The following LBH variants were observed in gnomAD, a reference collection of about 807,000 sequenced individuals.
The protein encoded by LBH is LBH regulator of Wnt signaling pathway.
Under a neutral mutation model 12.5 loss-of-function variants are expected in LBH, and 7 were observed. The observed-to-expected ratio is 0.56, with a 90% CI of 0.32 to 1.05. LBH has a LOEUF of 1.05. Ranked by LOEUF, LBH falls within the 50% of genes least tolerant of loss-of-function variation. LBH has a pLI of 0.04. For missense variants in LBH, 119 were observed against 138.9 expected (o/e 0.86, Z 0.72); for synonymous variants, 51 against 50.1 (o/e 1.02, Z -0.08).
intron 1 of LBH, chr2:30,232,145 C>T (rs1677598883): frequency 6.5e-7 from 1 of 1,544,700 alleles, no homozygotes; most frequent in African/African-American, 1.4e-5. Context: ...GGCCCCTCCT[C>T]TTTTTCTTTT....
intron 2 of LBH, among the ~76,000 whole-genome samples, chr2:30,242,535 G>A (rs966232616): frequency 3.3e-5 from 5 of 152,014 alleles, no homozygotes; most frequent in Admixed American, 1.3e-4. Flanking sequence ...GAGCCACCAC[G>A]CCCGGCCAAT....
intron 2 of LBH, among the ~76,000 whole-genome samples, chr2:30,254,350 G>T (rs1413421247): frequency 2.0e-5 from 3 of 152,144 alleles, no homozygotes; most frequent in Non-Finnish European, 2.9e-5. Context: ...ATATCTTATT[G>T]TACCGTACCT....
intron 2 of LBH, among the ~76,000 whole-genome samples, chr2:30,247,312 C>T (rs2089657): frequency 0.18 from 26,745 of 152,196 alleles, 2,670 homozygotes; most frequent in Admixed American, 0.27. Flanking sequence ...AATGTTGACT[C>T]ATTTCATTAT....
intron 2 of LBH, among the ~76,000 whole-genome samples, chr2:30,255,005 T>C (rs1678055576): frequency 6.6e-6 from 1 of 152,238 alleles, no homozygotes; most frequent in East Asian, 1.9e-4. Flanking sequence ...AGCAGCCTAA[T>C]CCATTTTCCA....
At chr2:30,245,454 C>CT (rs1176478487) in intron 2 of LBH, among the ~76,000 whole-genome samples, 2 of 152,192 alleles carry the variant, frequency 1.3e-5, no homozygotes, top group African/African-American at 4.8e-5. Context: ...CGTACACTTT[C>CT]TTCAGAATCA....
chr2:30,237,150 A>C (rs925275), intron 2 of LBH, among the ~76,000 whole-genome samples: 4 of 152,342 alleles, frequency 2.6e-5, no homozygotes, highest in African/African-American at 9.6e-5. Flanking sequence ...TGTTCTTGGC[A>C]TTCCTCCTAA....
intron 2 of LBH, among the ~76,000 whole-genome samples, chr2:30,242,575 A>G (rs1394002286): frequency 6.6e-6 from 1 of 152,172 alleles, no homozygotes; most frequent in Non-Finnish European, 1.5e-5. Context: ...TTAGGAAAAT[A>G]CAGAGACATG....
intron 2 of LBH, among the ~76,000 whole-genome samples, chr2:30,235,324 C>T (rs939434790): frequency 3.3e-5 from 5 of 152,034 alleles, no homozygotes; most frequent in African/African-American, 1.2e-4. Flanking sequence ...AGGGAGGAGT[C>T]TCTTCTTAAG....
chr2:30,235,027 TAGAG>T (rs1195202520), intron 2 of LBH, among the ~76,000 whole-genome samples: 2 of 152,180 alleles, frequency 1.3e-5, no homozygotes, highest in Admixed American at 1.3e-4. Flanking sequence ...TCAAACCACT[TAGAG>T]AGGAAGATAT....
At chr2:30,237,865 T>G (rs1436527667) in intron 2 of LBH, among the ~76,000 whole-genome samples, 2 of 152,154 alleles carry the variant, frequency 1.3e-5, no homozygotes, top group Admixed American at 6.5e-5. Context: ...AAATGGTTGC[T>G]AGAAAGTCTG....
intron 2 of LBH, among the ~76,000 whole-genome samples, chr2:30,250,379 G>C (rs771820118): frequency 1.3e-5 from 2 of 151,956 alleles, no homozygotes; most frequent in Non-Finnish European, 2.9e-5. Context: ...TTAGCCCTTT[G>C]TGTCCTGCTA....
At position 30,257,871 on chromosome 2, in the gene LBH, G is replaced by C; in HGVS notation, c.*250G>C. 1 of 354,186 alleles carries C rather than the reference G, an allele frequency of 2.8e-6. No individual in the cohort carries two copies. The highest frequency in any genetic ancestry group is 5.1e-6 in the Non-Finnish European group (1 of 195,236). 21.9% of individuals were successfully genotyped at this position (354,186 alleles called of 1,614,324 possible). On this transcript the variant is annotated 3_prime_UTR_variant, in exon 3 of 3. Coordinates refer to ENST00000395323, the MANE Select transcript of LBH (RefSeq NM_030915.4). ...CCTCTGAGAAAGGAAGCTGCTTAGA[G>C]CCAGGGGGTTAGTGGGTGAGGGGAG...
intron 2 of LBH, among the ~76,000 whole-genome samples, chr2:30,251,181 A>G (rs941394045): frequency 1.3e-5 from 2 of 151,324 alleles, no homozygotes; most frequent in Admixed American, 6.6e-5. Context: ...CAGCCCCACA[A>G]AGTGCTAGGA....
intron 2 of LBH, among the ~76,000 whole-genome samples, chr2:30,238,644 G>C (rs757464893): frequency 6.6e-6 from 1 of 152,178 alleles, no homozygotes; most frequent in Non-Finnish European, 1.5e-5. Context: ...CCCCAGGTGG[G>C]AGGGAGTGAT....
At chr2:30,248,505 A>G (rs1316444177) in intron 2 of LBH, among the ~76,000 whole-genome samples, 1 of 152,162 alleles carries the variant, frequency 6.6e-6, no homozygotes, top group Non-Finnish European at 1.5e-5. Flanking sequence ...GAATGCGGGG[A>G]TAGTTAGAAA....
chr2:30,256,149 G>A (rs1678080004), intron 2 of LBH, among the ~76,000 whole-genome samples: 1 of 152,230 alleles, frequency 6.6e-6, no homozygotes, highest in Non-Finnish European at 1.5e-5. Flanking sequence ...CAAGAATTGG[G>A]TCAGCTGTAG....
intron 2 of LBH, among the ~76,000 whole-genome samples, chr2:30,239,257 T>C (rs971628767): frequency 6.6e-6 from 1 of 152,198 alleles, no homozygotes; most frequent in Non-Finnish European, 1.5e-5. Context: ...GGCTTCACTC[T>C]GCCGGTTCCA....
rs1430461144 is a variant in LBH, at chr2:30,259,190, G to C, written c.*1569G>C. 2.6e-5 allele frequency: 4 copies of C among 152,798 alleles called. No homozygotes were observed. The highest frequency in any genetic ancestry group is 5.9e-5 in the Non-Finnish European group (4 of 68,158). The allele number at this position is 152,798 out of a possible 1,614,324, so 9.5% of individuals were successfully genotyped here. ...CCTCAGTTCTGGACGTGTGTATATA[G>C]CTGTATTTAATACCTCAAGGTCATT... is the stretch of plus-strand genomic sequence containing the variant. On this transcript the variant is annotated 3_prime_UTR_variant, in exon 3 of 3. Transcript: ENST00000395323.
rs78903329 is a variant in LBH at position 30,241,000 on chromosome 2, T to C, written c.129+6493T>C. ...TGTCTAAGCCTGACTTTCTCTTGAT[T>C]TGGTGGTTCCCAAACAGAATTTAAA... On this transcript the variant is annotated intron_variant, in intron 2 of 2. Transcript: ENST00000395323. Among the ~76,000 whole-genome samples the C allele has an allele frequency of 2.6e-3, 402 of 152,364 alleles. 10 individuals are homozygous for C. In the East Asian group the frequency reaches 0.058, roughly 22 times the overall value.
Sources: gnomAD v4.1 joint callset for allele counts (sites outside exome capture counted in the v4.1 genomes callset) on GRCh38, gnomAD v4.1.1 for gene constraint, MANE v1.5 for transcripts, NCBI Gene and HGNC (gene_info 2026-07-23, HGNC 2026-07-21) for gene names.